The following FAM193A variants were observed in gnomAD, a reference collection of about 807,000 sequenced individuals.
FAM193A encodes protein FAM193A.
A neutral mutation model predicts 126.5 loss-of-function variants in FAM193A; 22 were observed. The ratio of observed to expected loss-of-function variants is 0.17; its 90% CI spans 0.12 to 0.25. The LOEUF is 0.25. FAM193A is among the 10% of genes least tolerant of loss of function. The pLI, the probability that FAM193A is intolerant of heterozygous loss-of-function variation, is 1.00. For missense variants in FAM193A, 1,675 were observed against 1,672.8 expected, an observed-to-expected ratio of 1.00 and a Z score of -0.02; for synonymous variants, 761 against 646.8, an observed-to-expected ratio of 1.18 and a Z score of -2.68.
At chr4:2,702,441 C>T (rs1245920927) in intron 19 of FAM193A, among the ~76,000 whole-genome samples, 1 of 152,196 alleles carries the variant, frequency 6.6e-6, no homozygotes, top group Non-Finnish European at 1.5e-5. Flanking sequence ...CCTCTTTCTT[C>T]AACAGTGGTG....
chr4:2,603,337 T>C (rs2108924691), intron 2 of FAM193A, among the ~76,000 whole-genome samples: 1 of 150,614 alleles, frequency 6.6e-6, no homozygotes, highest in East Asian at 1.9e-4. Flanking sequence ...CAGGCTGGAG[T>C]TCAATGGCGT....
At chr4:2,605,869 G>T (rs1453077866) in intron 2 of FAM193A, among the ~76,000 whole-genome samples, 1 of 148,834 alleles carries the variant, frequency 6.7e-6, no homozygotes, top group Non-Finnish European at 1.5e-5. Flanking sequence ...TACTGGGGAG[G>T]CTGAGGCAGG....
chr4:2,607,409 CAGAGG>C (rs1741610459), intron 2 of FAM193A, among the ~76,000 whole-genome samples: 1 of 152,114 alleles, frequency 6.6e-6, no homozygotes, highest in Admixed American at 6.5e-5. Flanking sequence ...GTGAAAAAGG[CAGAGG>C]ACATTTTGGT....
At chr4:2,608,012 A>G in intron 2 of FAM193A, 2 of 1,599,904 alleles carry the variant, frequency 1.3e-6, no homozygotes, top group Non-Finnish European at 1.7e-6. Flanking sequence ...CTGGGGTGTG[A>G]ATGTGCACCA....
At chr4:2,565,627 A>G (rs1738896850) in intron 1 of FAM193A, among the ~76,000 whole-genome samples, 1 of 152,114 alleles carries the variant, frequency 6.6e-6, no homozygotes, top group Non-Finnish European at 1.5e-5. Flanking sequence ...GTAGAAAGAG[A>G]TTCTTGGGTA....
chr4:2,568,747 A>C (rs1739114267), intron 1 of FAM193A, among the ~76,000 whole-genome samples: 1 of 152,218 alleles, frequency 6.6e-6, no homozygotes, highest in Non-Finnish European at 1.5e-5. Flanking sequence ...GAGAATAATA[A>C]ATCTTAGTAA....
intron 1 of FAM193A, among the ~76,000 whole-genome samples, chr4:2,564,540 CCTA>C (rs1271427972): frequency 7.2e-5 from 11 of 152,222 alleles, no homozygotes; most frequent in African/African-American, 2.4e-4. Flanking sequence ...AAAATAGCCA[CCTA>C]CTATTTGGGA....
At chr4:2,547,556 TAGAC>T (rs936230168) in intron 1 of FAM193A, among the ~76,000 whole-genome samples, 8 of 151,562 alleles carry the variant, frequency 5.3e-5, no homozygotes, top group Non-Finnish European at 1.2e-4. Flanking sequence ...AGCCTAAAAC[TAGAC>T]AGACAGTTTA....
At chr4:2,607,501 G>A (rs1177502436) in intron 2 of FAM193A, among the ~76,000 whole-genome samples, 1 of 152,196 alleles carries the variant, frequency 6.6e-6, no homozygotes, top group Admixed American at 6.5e-5. Context: ...CTAGCCATTA[G>A]TAGTTAACCA....
At position 2,657,797 on chromosome 4, in the gene FAM193A, T is replaced by TA; in HGVS notation, c.1312-5dup. 6.2e-7 allele frequency: 1 copy of TA among 1,602,010 alleles called. No individual in the cohort carries two copies. Among genetic ancestry groups the TA allele is most frequent in the Non-Finnish European group, 8.5e-7 (1 of 1,174,346 alleles). ...TTTTTTTCTGTTTTTTACATCCCCT[T>TA]ACTAGATGACAATGAAAACCAAGCA... On this transcript the variant is annotated splice_region_variant and splice_polypyrimidine_tract_variant and intron_variant, in intron 7 of 20. Coordinates refer to ENST00000637812, the MANE Select transcript of FAM193A (RefSeq NM_001366318.2).
chr4:2,681,072 C>T (rs1480705371), intron 13 of FAM193A, among the ~76,000 whole-genome samples: 1 of 152,180 alleles, frequency 6.6e-6, no homozygotes, highest in East Asian at 1.9e-4. Context: ...TCACTGGAGC[C>T]TCGAACGCTT....
chr4:2,727,036 G>A (rs998160343), intron 20 of FAM193A, among the ~76,000 whole-genome samples: 14 of 151,816 alleles, frequency 9.2e-5, no homozygotes, highest in Non-Finnish European at 1.2e-4. Context: ...CAAAGCGGGC[G>A]GATCACGAGG....
chr4:2,690,205 G>A (rs1299439169), intron 14 of FAM193A, among the ~76,000 whole-genome samples: 2 of 152,174 alleles, frequency 1.3e-5, no homozygotes, highest in East Asian at 1.9e-4. Flanking sequence ...AGGCCCAGCC[G>A]TTACTTCAGT....
intron 19 of FAM193A, chr4:2,708,189 A>G (rs770696325): frequency 2.2e-6 from 1 of 448,296 alleles, no homozygotes; most frequent in Non-Finnish European, 4.5e-6. Context: ...ACAATGGTGC[A>G]ATCTTGGCTC....
In FAM193A at chr4:2,608,100, C is replaced by G. The variant is rs1377151050; in HGVS notation, c.501+11771C>G. 23 of 1,608,484 alleles carry G rather than the reference C, an allele frequency of 1.4e-5. No individual in the cohort carries two copies. The East Asian group carries it at 4.9e-4, about 34-fold the overall frequency. On this transcript the variant is annotated intron_variant, in intron 2 of 20. Coordinates refer to ENST00000637812, the MANE Select transcript of FAM193A (RefSeq NM_001366318.2). ...GGCCTGATTCACTCCCAGATTAGTG[C>G]TTCCACGATCTACTATATCTCCTTG... is the stretch of plus-strand genomic sequence containing the variant.
At position 2,673,638 on chromosome 4, in the gene FAM193A, G is replaced by A. The variant is rs17164085; in HGVS notation, c.2331+1266G>A. On this transcript the variant is annotated intron_variant, in intron 13 of 20. Coordinates refer to ENST00000637812, the MANE Select transcript of FAM193A (RefSeq NM_001366318.2). ...CAGAACCAGGCTATCTTCATGGTCCGCCTGGTTTGTAGCCTGATTTTCTCT... is the reference window on the plus strand; with the variant it reads ...CAGAACCAGGCTATCTTCATGGTCCACCTGGTTTGTAGCCTGATTTTCTCT... Among the ~76,000 whole-genome samples, 1,075 of 151,798 alleles carry A rather than the reference G, an allele frequency of 7.1e-3. 15 individuals carry two copies. The highest frequency in any genetic ancestry group is 0.025 in the African/African-American group (1,031 of 41,166).
At chr4:2,697,036 C>A (rs1717118357) in intron 18 of FAM193A, among the ~76,000 whole-genome samples, 1 of 152,124 alleles carries the variant, frequency 6.6e-6, no homozygotes, top group Admixed American at 6.5e-5. Context: ...GGACTCAGGT[C>A]TGAGCATGTC....
intron 1 of FAM193A, among the ~76,000 whole-genome samples, chr4:2,583,643 C>T (rs1273661329): frequency 6.6e-6 from 1 of 152,200 alleles, no homozygotes; most frequent in Non-Finnish European, 1.5e-5. Context: ...TTCCCAGTTT[C>T]TGCAGTTGCC....
At chr4:2,625,774 C>T (rs1176106927) in intron 3 of FAM193A, among the ~76,000 whole-genome samples, 2 of 143,840 alleles carry the variant, frequency 1.4e-5, no homozygotes, top group African/African-American at 2.6e-5. Context: ...TCCCCCAGGC[C>T]GGAGGGCAGT....
Sources: gnomAD v4.1 joint callset for allele counts (sites outside exome capture counted in the v4.1 genomes callset) on GRCh38, gnomAD v4.1.1 for gene constraint, MANE v1.5 for transcripts, NCBI Gene and HGNC (gene_info 2026-07-23, HGNC 2026-07-21) for gene names.